Variants in RYR1 observed in about 807,000 individuals in gnomAD.
RYR1 encodes the protein ryanodine receptor 1.
Under a neutral mutation model 583.5 loss-of-function variants are expected in RYR1, and 342 were observed. That is an observed-to-expected ratio of 0.59 (90% confidence interval 0.54 to 0.64). RYR1 has a LOEUF of 0.64. Among genes scored for constraint, RYR1 ranks in the 30% least tolerant of loss-of-function variants. The probability of loss-of-function intolerance (pLI) is 0.00; values close to 1 mark genes in which losing one functional copy is unlikely to be tolerated. For missense variants in RYR1, 6,032 were observed against 6,917.2 expected, an observed-to-expected ratio of 0.87 and a Z score of 4.54; for synonymous variants, 2,791 against 2,822.5, an observed-to-expected ratio of 0.99 and a Z score of 0.35.
At chr19:38,487,945 A>T (rs1969371488) in intron 34 of RYR1, among the ~76,000 whole-genome samples, 1 of 151,974 alleles carries the variant, frequency 6.6e-6, no homozygotes, top group Admixed American at 6.6e-5. Context: ...TTTTGTTTTT[A>T]TTTATTATTT....
intron 81 of RYR1, chr19:38,535,655 G>A: frequency 3.3e-6 from 2 of 599,252 alleles, no homozygotes; most frequent in South Asian, 4.0e-5. Context: ...GAACTTGGCA[G>A]TGGGAGATTT....
Position 38,485,729 on chromosome 19 carries a change from C to T in RYR1, c.5074C>T (p.Gln1692Ter). 6.2e-7 allele frequency: 1 copy of T among 1,612,658 alleles called. No homozygotes were observed. The highest frequency in any genetic ancestry group is 8.5e-7 in the Non-Finnish European group (1 of 1,179,944). ...TCTGTGCAGCCACGTAGACCAAGCT[C>T]AGCTGCTGCACGCCCTGGAGGACGC... ...HALCSHVDQAQLLHALEDAHL... is the reference protein window; with the variant it reads ...HALCSHVDQA The change falls in exon 34 of 106, where the codon CAG (glutamine) becomes TAG (stop). Residue 1692 changes from glutamine to a stop codon, truncating the protein, a stop_gained. Transcript: ENST00000359596. LOFTEE classifies it high-confidence loss of function.
At chr19:38,568,319 T>A (rs138109571) in intron 93 of RYR1, among the ~76,000 whole-genome samples, 58 of 152,278 alleles carry the variant, frequency 3.8e-4, no homozygotes, top group African/African-American at 1.3e-3. Context: ...TGTGGAGGTC[T>A]GAGCTCTCCC....
At position 38,561,831 on chromosome 19, in the gene RYR1, A is replaced by G. The variant is rs1973158078; in HGVS notation, c.12624+377A>G. ...CACACTCTCACCTCCTCGAACCTGC[A>G]TGGCGACACACCCCTTGCTCACCTT... On this transcript the variant is annotated intron_variant, in intron 90 of 105. Coordinates refer to ENST00000359596, the MANE Select transcript of RYR1 (RefSeq NM_000540.3). This position sits in a 1 kb window ranked among gnomAD's most constrained non-coding sequence, Gnocchi z 4.8. 6.6e-6 allele frequency among the ~76,000 whole-genome samples: 1 copy of G among 152,000 alleles called. No homozygotes were observed. Among genetic ancestry groups the G allele is most frequent in the African/African-American group, 2.4e-5 (1 of 41,384 alleles).
Position 38,464,652 on chromosome 19 carries a change from C to A in RYR1, c.2800C>A (p.Leu934Met). The change falls in exon 23 of 106, where the codon CTG becomes ATG. Residue 934 changes from leucine to methionine, a missense_variant. By Grantham distance (15) the Leu-to-Met change is conservative (BLOSUM62 2). This residue lies in a region of RYR1 where 2,627 missense variants were observed against 2,961.3 expected (regional missense o/e 0.89). Transcript: ENST00000359596. ...CCCCACCCCCAGGACTCTGCTGGCT[C>A]TGGGCTGCCACGTGGGCATGGCGGA... Reference protein sequence around the residue: ...SGETLKTLLALGCHVGMADEK... With the variant: ...SGETLKTLLAMGCHVGMADEK... 6.3e-7 allele frequency: 1 copy of A among 1,587,702 alleles called. No individual in the cohort carries two copies. The highest frequency in any genetic ancestry group is 8.6e-7 in the Non-Finnish European group (1 of 1,167,036).
chr19:38,543,517 AC>A lies in RYR1; in HGVS notation c.11779-12del. ...CGGCCCCAGCACCCCCTCACACCCT[AC>A]CCGCCCCCACCAGGAATCCATCAGC... is the stretch of plus-strand genomic sequence containing the variant. On this transcript the variant is annotated splice_polypyrimidine_tract_variant and intron_variant, in intron 85 of 105. Coordinates refer to ENST00000359596, the MANE Select transcript of RYR1 (RefSeq NM_000540.3). The surrounding 1 kb of genome is among the most constrained non-coding windows in gnomAD (Gnocchi z 4.4). 1 of 1,614,016 alleles carries A rather than the reference AC, an allele frequency of 6.2e-7. No homozygotes were observed. Among genetic ancestry groups the A allele is most frequent in the Non-Finnish European group, 8.5e-7 (1 of 1,179,962 alleles).
intron 2 of RYR1, among the ~76,000 whole-genome samples, chr19:38,441,271 G>A (rs1298937989): frequency 6.6e-6 from 1 of 151,382 alleles, no homozygotes; most frequent in South Asian, 2.1e-4. Flanking sequence ...GCGTGGGGAG[G>A]GGGGGTAGGG....
chr19:38,524,327 A>G (rs748134810), intron 70 of RYR1, among the ~76,000 whole-genome samples: 2 of 148,546 alleles, frequency 1.3e-5, no homozygotes, highest in Non-Finnish European at 3.0e-5. Context: ...TGGATGGTTT[A>G]AAGCTTGGGC....
Position 38,499,204 on chromosome 19 carries a change from C to T in RYR1, c.6988C>T (p.Arg2330Cys), listed in dbSNP as rs768804367. ...DIGWNPCGGERYLDFLRFAVF... is the reference protein window; with the variant it reads ...DIGWNPCGGECYLDFLRFAVF... ...TGGCTGGAACCCCTGTGGTGGAGAG[C>T]GCTACCTGGACTTCCTGCGCTTTGC... is the stretch of plus-strand genomic sequence containing the variant. Residue 2330 changes from arginine to cysteine, a missense_variant, in exon 43 of 106, where the codon CGC (arginine) becomes TGC (cysteine). This residue lies in a region of RYR1 where 2,627 missense variants were observed against 2,961.3 expected (regional missense o/e 0.89). Transcript: ENST00000359596. The surrounding 1 kb of genome is among the most constrained non-coding windows in gnomAD (Gnocchi z 7.3). 3.1e-6 allele frequency: 5 copies of T among 1,614,070 alleles called. No homozygotes were observed. In the African/African-American group the frequency reaches 4.0e-5, roughly 13 times the overall value.
chr19:38,507,685 G>T, intron 57 of RYR1, 27 bp from the exon 58 acceptor site: 1 of 1,429,926 alleles, frequency 7.0e-7, no homozygotes, highest in Non-Finnish European at 9.9e-7. Flanking sequence ...CGTCTGGGCT[G>T]ATCCTTCTCT....
At chr19:38,566,540 C>T (rs1973445507) in intron 91 of RYR1, among the ~76,000 whole-genome samples, 1 of 151,022 alleles carries the variant, frequency 6.6e-6, no homozygotes, top group Non-Finnish European at 1.5e-5. Context: ...AGGAAAAGAC[C>T]CTCGGAGATA....
At chr19:38,585,682 C>T (rs1469856095) in intron 102 of RYR1, among the ~76,000 whole-genome samples, 1 of 151,738 alleles carries the variant, frequency 6.6e-6, no homozygotes, top group Non-Finnish European at 1.5e-5. Flanking sequence ...GGGGTTTCAC[C>T]ATGTTGGCCA....
intron 1 of RYR1, among the ~76,000 whole-genome samples, chr19:38,436,604 GACTAT>G (rs1972439983): frequency 6.6e-6 from 1 of 152,110 alleles, no homozygotes; most frequent in African/African-American, 2.4e-5. Context: ...TCCATTGTGC[GACTAT>G]ACTGTGGTGT....
chr19:38,523,057 G>A lies in RYR1; in HGVS notation c.10289G>A (p.Ser3430Asn). ...CAGTGGCTGACGGAGCCGAATCCCA[G>A]CGCGGAGGAGCTGTTCAGGATGGTG... ...RAQWLTEPNPSAEELFRMVGE... is the reference protein window; with the variant it reads ...RAQWLTEPNPNAEELFRMVGE... Residue 3430 changes from serine (S) to asparagine (N), a missense_variant, in exon 68 of 106, where the codon AGC becomes AAC. Ser to Asn is a conservative substitution (Grantham distance 46). This residue lies in a region of RYR1 where 1,493 missense variants were observed against 1,715.5 expected (regional missense o/e 0.87). Coordinates refer to ENST00000359596, the MANE Select transcript of RYR1 (RefSeq NM_000540.3). The A allele has an allele frequency of 6.2e-7, 1 of 1,609,484 alleles. No individual in the cohort carries two copies. The highest frequency in any genetic ancestry group is 8.5e-7 in the Non-Finnish European group (1 of 1,178,790).
intron 27 of RYR1, among the ~76,000 whole-genome samples, chr19:38,470,038 T>C (rs1968336200): frequency 1.3e-5 from 2 of 152,092 alleles, no homozygotes; most frequent in Non-Finnish European, 2.9e-5. Flanking sequence ...TGGTGGCACA[T>C]GCCTGTAATT....
intron 25 of RYR1, among the ~76,000 whole-genome samples, chr19:38,468,358 G>GTCCA (rs1284696220): frequency 2.0e-5 from 3 of 149,544 alleles, no homozygotes; most frequent in African/African-American, 4.9e-5. Context: ...CCAGCCAACT[G>GTCCA]TCCATCCATC....
Position 38,525,514 on chromosome 19 carries a change from G to T in RYR1, c.10626+12G>T. 6.2e-7 allele frequency: 1 copy of T among 1,613,142 alleles called. No homozygotes were observed. Among genetic ancestry groups the T allele is most frequent in the Non-Finnish European group, 8.5e-7 (1 of 1,179,682 alleles). ...CCCGTTACGCCCTGGTGCCTGCCCA[G>T]CCCCGTCCTCGGAACCTTCCAGGAT... is the stretch of plus-strand genomic sequence containing the variant. On this transcript the variant is annotated intron_variant, in intron 71 of 105. Transcript: ENST00000359596.
At chr19:38,454,781 T>G (rs941484442) in intron 13 of RYR1, among the ~76,000 whole-genome samples, 1 of 97,604 alleles carries the variant, frequency 1.0e-5, no homozygotes, top group African/African-American at 3.8e-5. Flanking sequence ...GAAAAAATAT[T>G]AAAATGTAAA....
chr19:38,557,668 G>T (rs887683296), intron 89 of RYR1, among the ~76,000 whole-genome samples: 2 of 152,180 alleles, frequency 1.3e-5, no homozygotes, highest in African/African-American at 2.4e-5. Flanking sequence ...GCTAGGCATG[G>T]TGGCCTATGC....
Sources: gnomAD v4.1 joint callset for allele counts (sites outside exome capture counted in the v4.1 genomes callset) on GRCh38, gnomAD v4.1.1 for gene constraint, gnomAD v4.1.1 regional missense constraint, Gnocchi (gnomAD v3.1) non-coding constraint, MANE v1.5 for transcripts, NCBI Gene and HGNC (gene_info 2026-07-23, HGNC 2026-07-21) for gene names.